TMEM132D: variants seen among roughly 807,000 people sequenced by gnomAD.
TMEM132D encodes the protein mature OL transmembrane protein.
Under a neutral mutation model 62.3 loss-of-function variants are expected in TMEM132D, and 21 were observed. The ratio of observed to expected loss-of-function variants is 0.34; its 90% CI spans 0.24 to 0.49. TMEM132D has a LOEUF of 0.49. Among genes scored for constraint, TMEM132D ranks in the 20% least tolerant of loss-of-function variants. The pLI is 0.99. For missense variants in TMEM132D, 1,346 were observed against 1,402.8 expected (o/e 0.96, Z 0.65); for synonymous variants, 621 against 575.6 (o/e 1.08, Z -1.13).
chr12:129,103,277 C>T (rs1256158792), intron 5 of TMEM132D, among the ~76,000 whole-genome samples: 1 of 152,216 alleles, frequency 6.6e-6, no homozygotes. Flanking sequence ...CTTCACCCCA[C>T]AGCATCAGTT....
chr12:129,406,597 G>C (rs559744404), intron 3 of TMEM132D, among the ~76,000 whole-genome samples: 2 of 149,620 alleles, frequency 1.3e-5, no homozygotes, highest in Non-Finnish European at 2.9e-5. Flanking sequence ...TCCAGCCTGG[G>C]CAACAGAGCG....
At chr12:129,832,434 C>T (rs66662517) in intron 1 of TMEM132D, among the ~76,000 whole-genome samples, 27,358 of 151,706 alleles carry the variant, frequency 0.18, 2,682 homozygotes, top group South Asian at 0.3. Context: ...TCGAATAGGA[C>T]ATATATTTAC....
intron 5 of TMEM132D, among the ~76,000 whole-genome samples, chr12:129,190,499 G>A (rs1347412647): frequency 3.4e-5 from 2 of 59,542 alleles, no homozygotes; most frequent in South Asian, 8.3e-4. Context: ...CAGATGGAGG[G>A]AGGGGTCTCA....
At chr12:129,399,622 A>G (rs1871553941) in intron 3 of TMEM132D, among the ~76,000 whole-genome samples, 1 of 147,708 alleles carries the variant, frequency 6.8e-6, no homozygotes, top group African/African-American at 2.5e-5. Context: ...CCTGTCTAAT[A>G]AAGAATGAGG....
intron 3 of TMEM132D, among the ~76,000 whole-genome samples, chr12:129,344,691 T>C (rs771292353): frequency 1.3e-5 from 2 of 152,160 alleles, no homozygotes; most frequent in Non-Finnish European, 2.9e-5. Context: ...CATATTAACC[T>C]GCCTTTTTCT....
chr12:129,268,446 A>G (rs550482495), intron 4 of TMEM132D, among the ~76,000 whole-genome samples: 159 of 152,346 alleles, frequency 1.0e-3, no homozygotes, highest in African/African-American at 3.7e-3. Flanking sequence ...GCTCATGATC[A>G]CTGGCCATCA....
intron 1 of TMEM132D, among the ~76,000 whole-genome samples, chr12:129,785,937 C>T (rs967244856): frequency 5.3e-5 from 8 of 152,146 alleles, no homozygotes; most frequent in African/African-American, 9.7e-5. Flanking sequence ...TTATGATTGG[C>T]GCAGTTTTTT....
At chr12:129,515,947 G>T (rs1875661866) in intron 3 of TMEM132D, among the ~76,000 whole-genome samples, 1 of 152,120 alleles carries the variant, frequency 6.6e-6, no homozygotes, top group Non-Finnish European at 1.5e-5. Context: ...TTTCATAGGG[G>T]TGTCAGCCAT....
intron 1 of TMEM132D, among the ~76,000 whole-genome samples, chr12:129,899,147 TGATA>T (rs1875246970): frequency 7.5e-6 from 1 of 132,834 alleles, no homozygotes; most frequent in Non-Finnish European, 1.6e-5. Flanking sequence ...ATGGATGAAA[TGATA>T]GATGGATAGA....
chr12:129,222,272 T>C (rs1488393503), intron 4 of TMEM132D, among the ~76,000 whole-genome samples: 1 of 152,192 alleles, frequency 6.6e-6, no homozygotes, highest in East Asian at 1.9e-4. Flanking sequence ...TGCTCTTCCC[T>C]TCCTTTTTAA....
At chr12:129,270,194 AATTT>A (rs139466035) in intron 4 of TMEM132D, among the ~76,000 whole-genome samples, 6,444 of 152,160 alleles carry the variant, frequency 0.042, 259 homozygotes, top group East Asian at 0.21. Flanking sequence ...TTCTAGCAAT[AATTT>A]ATCATCTGTA....
At chr12:129,675,882 G>A (rs1201051211) in intron 2 of TMEM132D, among the ~76,000 whole-genome samples, 1 of 152,188 alleles carries the variant, frequency 6.6e-6, no homozygotes, top group Admixed American at 6.5e-5. Flanking sequence ...TAACCATAGA[G>A]TCTGAGATCC....
At chr12:129,752,655 T>G (rs1199363504) in intron 1 of TMEM132D, among the ~76,000 whole-genome samples, 1 of 152,212 alleles carries the variant, frequency 6.6e-6, no homozygotes, top group Non-Finnish European at 1.5e-5. Flanking sequence ...GGAGGAAGTT[T>G]CACCTATGCT....
At chr12:129,667,770 G>A (rs1211826632) in intron 2 of TMEM132D, among the ~76,000 whole-genome samples, 3 of 151,990 alleles carry the variant, frequency 2.0e-5, no homozygotes, top group Non-Finnish European at 4.4e-5. Flanking sequence ...ATATGAAATG[G>A]TGCTTAGCTT....
Position 129,409,715 on chromosome 12 carries a change from A to T in TMEM132D, c.1116-71898T>A, listed in dbSNP as rs118111599. On this transcript the variant is annotated intron_variant, in intron 3 of 8. Transcript: ENST00000422113. ...GTGAAAACAAGAGGTACTTATAAAC[A>T]GTAAAGAGTAAATACACATATTTGA... is the stretch of plus-strand genomic sequence containing the variant. 6.5e-3 allele frequency among the ~76,000 whole-genome samples: 983 copies of T among 152,354 alleles called. 9 individuals are homozygous for T. Among genetic ancestry groups the T allele is most frequent in the East Asian group, 0.021 (108 of 5,180 alleles).
intron 5 of TMEM132D, among the ~76,000 whole-genome samples, chr12:129,202,666 T>C (rs979605090): frequency 3.9e-5 from 6 of 152,158 alleles, no homozygotes; most frequent in African/African-American, 9.6e-5. Flanking sequence ...CATGTTCTGA[T>C]TGGCCACCCT....
intron 3 of TMEM132D, among the ~76,000 whole-genome samples, chr12:129,470,500 ATCC>A (rs1874062434): frequency 6.6e-6 from 1 of 152,052 alleles, no homozygotes; most frequent in Non-Finnish European, 1.5e-5. Flanking sequence ...GATTTACTTC[ATCC>A]TCCTGGTGAT....
chr12:129,789,439 A>T (rs1187083512), intron 1 of TMEM132D, among the ~76,000 whole-genome samples: 1 of 152,256 alleles, frequency 6.6e-6, no homozygotes, highest in Non-Finnish European at 1.5e-5. Context: ...CGTTTATAGC[A>T]GCACAATTTG....
At chr12:129,830,918 T>C (rs1169754201) in intron 1 of TMEM132D, among the ~76,000 whole-genome samples, 2 of 152,178 alleles carry the variant, frequency 1.3e-5, no homozygotes, top group African/African-American at 4.8e-5. Flanking sequence ...CTCAAATTTC[T>C]AAGTCACGAG....
Sources: allele counts gnomAD v4.1 joint callset (sites outside exome capture counted in the v4.1 genomes callset), GRCh38; gene constraint gnomAD v4.1.1; transcripts MANE v1.5; gene names NCBI Gene and HGNC (gene_info 2026-07-23, HGNC 2026-07-21).